AFF3: variants seen among roughly 807,000 people sequenced by gnomAD.
The protein encoded by AFF3 is ALF transcription elongation factor 3.
In AFF3, 32 loss-of-function variants were observed where a neutral mutation model predicts 129.7. That is an observed-to-expected ratio of 0.25 (90% CI 0.19 to 0.33). The LOEUF (loss-of-function observed/expected upper bound fraction) is 0.33. AFF3 is among the 10% of genes least tolerant of loss of function. The pLI is 1.00. For missense variants in AFF3, 1,373 were observed against 1,592.0 expected, an observed-to-expected ratio of 0.86 and a Z score of 2.34; for synonymous variants, 644 against 635.4, an observed-to-expected ratio of 1.01 and a Z score of -0.20.
At chr2:99,835,235 C>A (rs1688780567) in intron 8 of AFF3, among the ~76,000 whole-genome samples, 1 of 152,166 alleles carries the variant, frequency 6.6e-6, no homozygotes, top group Non-Finnish European at 1.5e-5. Flanking sequence ...TCACATCACT[C>A]TGCTCAAATG....
chr2:99,624,345 A>T (rs1038727126), intron 13 of AFF3, among the ~76,000 whole-genome samples: 1 of 152,216 alleles, frequency 6.6e-6, no homozygotes, highest in Non-Finnish European at 1.5e-5. Flanking sequence ...CTGGAGTCCC[A>T]TGTAATTAAA....
intron 2 of AFF3, among the ~76,000 whole-genome samples, chr2:100,120,493 T>C (rs1177001935): frequency 7.1e-6 from 1 of 140,718 alleles, no homozygotes; most frequent in African/African-American, 2.9e-5. Context: ...TGTGAATACT[T>C]ATCCAACCAA....
intron 1 of AFF3, among the ~76,000 whole-genome samples, chr2:100,139,024 T>A (rs1692751713): frequency 6.6e-6 from 1 of 151,508 alleles, no homozygotes; most frequent in East Asian, 1.9e-4. Flanking sequence ...TAGAGAGGAT[T>A]TGGGGGTAGA....
intron 11 of AFF3, chr2:99,707,428 G>A: frequency 1.0e-6 from 1 of 985,270 alleles, no homozygotes; most frequent in Non-Finnish European, 1.2e-6. Context: ...TTCGTATCAA[G>A]TATCAGATAA....
chr2:100,005,592 C>T (rs1347465822), intron 7 of AFF3, among the ~76,000 whole-genome samples: 1 of 152,184 alleles, frequency 6.6e-6, no homozygotes, highest in African/African-American at 2.4e-5. Context: ...TTCTAGTGAA[C>T]ATTTTCTAGA....
At chr2:99,914,558 T>A (rs1169945823) in intron 7 of AFF3, among the ~76,000 whole-genome samples, 3 of 152,208 alleles carry the variant, frequency 2.0e-5, no homozygotes, top group Non-Finnish European at 4.4e-5. Flanking sequence ...TTGATCATTA[T>A]ATTATGGATA....
rs371445128 is a variant in AFF3 at position 99,713,393 on chromosome 2, C to T, written c.1091+13684G>A. Among the ~76,000 whole-genome samples the T allele has an allele frequency of 5.3e-4, 79 of 150,022 alleles. 1 individual carries two copies. Among genetic ancestry groups the T allele is most frequent in the African/African-American group, 1.9e-3 (76 of 40,782 alleles). ...AAGCGATTCTCCTGCCTCAGCCTCCCGAGTAGCTGGGATTACAGGCACGTG... is the reference window on the plus strand; with the variant it reads ...AAGCGATTCTCCTGCCTCAGCCTCCTGAGTAGCTGGGATTACAGGCACGTG... On this transcript the variant is annotated intron_variant, in intron 11 of 24. Coordinates refer to ENST00000672756, the MANE Select transcript of AFF3 (RefSeq NM_001386135.1).
intron 17 of AFF3, 109 bp from the exon 18 acceptor site, chr2:99,578,560 G>T: frequency 6.8e-7 from 1 of 1,480,520 alleles, no homozygotes; most frequent in Non-Finnish European, 9.1e-7. Context: ...GAACATCTTT[G>T]TGTGCTGTAT....
intron 13 of AFF3, among the ~76,000 whole-genome samples, chr2:99,604,356 C>T (rs992530989): frequency 6.6e-6 from 1 of 152,042 alleles, no homozygotes; most frequent in African/African-American, 2.4e-5. Context: ...ATTATCTTTA[C>T]CAAACTAATG....
intron 7 of AFF3, among the ~76,000 whole-genome samples, chr2:99,896,068 CAAAAA>C (rs58471464): frequency 1.6e-5 from 1 of 63,082 alleles, no homozygotes; most frequent in South Asian, 7.6e-4. Flanking sequence ...GACTCCTTCT[CAAAAA>C]AAAAAAAAAA....
At chr2:100,107,339 G>A (rs1423309873) in intron 2 of AFF3, 1 of 985,186 alleles carries the variant, frequency 1.0e-6, no homozygotes, top group Non-Finnish European at 1.2e-6. Flanking sequence ...CAGCCTCTGG[G>A]TATGCAAACC....
intron 8 of AFF3, among the ~76,000 whole-genome samples, chr2:99,818,831 T>A (rs879575910): frequency 6.6e-6 from 1 of 152,166 alleles, no homozygotes; most frequent in Non-Finnish European, 1.5e-5. Context: ...TTACTTTGCC[T>A]GGGTAATCTA....
At chr2:99,883,207 T>A (rs757610411) in intron 7 of AFF3, among the ~76,000 whole-genome samples, 12 of 152,216 alleles carry the variant, frequency 7.9e-5, no homozygotes, top group Non-Finnish European at 1.2e-4. Context: ...TGTTAATAAT[T>A]AATATGAATT....
chr2:100,010,553 C>T (rs1397915313), intron 4 of AFF3, among the ~76,000 whole-genome samples: 2 of 152,096 alleles, frequency 1.3e-5, no homozygotes, highest in African/African-American at 4.8e-5. Context: ...AGTATATTAC[C>T]CACAGTTATT....
At chr2:99,798,307 C>T (rs1047761461) in intron 8 of AFF3, among the ~76,000 whole-genome samples, 2 of 151,690 alleles carry the variant, frequency 1.3e-5, no homozygotes, top group East Asian at 1.9e-4. Flanking sequence ...TAACTCAATG[C>T]AAAAGAAGAC....
At chr2:99,619,254 T>C (rs193251907) in intron 13 of AFF3, among the ~76,000 whole-genome samples, 1 of 152,348 alleles carries the variant, frequency 6.6e-6, no homozygotes, top group East Asian at 1.9e-4. Flanking sequence ...GTCAGCAGCA[T>C]GTGGTGTTTA....
intron 4 of AFF3, among the ~76,000 whole-genome samples, chr2:100,038,455 C>A (rs1037437797): frequency 6.6e-6 from 1 of 151,208 alleles, no homozygotes; most frequent in Non-Finnish European, 1.5e-5. Context: ...AAAGAGTAAA[C>A]AATCTCAACC....
At chr2:99,626,798 A>G (rs1250844763) in intron 13 of AFF3, among the ~76,000 whole-genome samples, 1 of 152,060 alleles carries the variant, frequency 6.6e-6, no homozygotes, top group Non-Finnish European at 1.5e-5. Flanking sequence ...TTCATCGTTT[A>G]GCTTTCACTT....
At chr2:99,756,882 T>C (rs1457433471) in intron 8 of AFF3, among the ~76,000 whole-genome samples, 3 of 152,188 alleles carry the variant, frequency 2.0e-5, no homozygotes, top group Non-Finnish European at 4.4e-5. Context: ...ATGAAACGAA[T>C]ACCTGTGAAC....
Sources: allele counts gnomAD v4.1 joint callset (sites outside exome capture counted in the v4.1 genomes callset), GRCh38; gene constraint gnomAD v4.1.1; transcripts MANE v1.5; gene names NCBI Gene and HGNC (gene_info 2026-07-23, HGNC 2026-07-21).